Variants in SPATS2 observed in about 807,000 individuals in gnomAD.
The protein encoded by SPATS2 is spermatogenesis-associated serine-rich protein 2.
Under a neutral mutation model 63.7 loss-of-function variants are expected in SPATS2, and 38 were observed. That is an observed-to-expected ratio of 0.60 (90% CI 0.46 to 0.78). The LOEUF is 0.78. Among genes scored for constraint, SPATS2 ranks in the 30% least tolerant of loss-of-function variants. The pLI is 0.00. For synonymous variants in SPATS2, 207 were observed against 232.9 expected (o/e 0.89, Z 1.01); for missense variants, 588 against 666.2 (o/e 0.88, Z 1.29).
chr12:49,435,944 A>T (rs1390737846), intron 2 of SPATS2, among the ~76,000 whole-genome samples: 1 of 150,272 alleles, frequency 6.7e-6, no homozygotes, highest in Non-Finnish European at 1.5e-5. Flanking sequence ...TGTTTCAGAG[A>T]GCACAGGGTT....
At chr12:49,422,428 C>T (rs1356202331) in intron 2 of SPATS2, among the ~76,000 whole-genome samples, 1 of 152,126 alleles carries the variant, frequency 6.6e-6, no homozygotes, top group Non-Finnish European at 1.5e-5. Flanking sequence ...CCTTCTGTTT[C>T]CATAACTAAA....
chr12:49,511,229 C>T (rs1592472839), intron 9 of SPATS2, among the ~76,000 whole-genome samples: 1 of 151,614 alleles, frequency 6.6e-6, no homozygotes, highest in African/African-American at 2.4e-5. Context: ...TAGAATAAGT[C>T]GAGCAAATGT....
At chr12:49,454,273 C>G (rs995997249) in intron 2 of SPATS2, 3 of 152,212 alleles carry the variant, frequency 2.0e-5, no homozygotes, top group Non-Finnish European at 4.4e-5. Context: ...CAAAGTACAC[C>G]ACAAGCCTGT....
chr12:49,367,737 G>A (rs976456762), intron 1 of SPATS2, 150 bp downstream of exon 1: 2 of 391,652 alleles, frequency 5.1e-6, no homozygotes, highest in Non-Finnish European at 9.0e-6. Context: ...GAGGCCCGAA[G>A]TGCCCAGAGG....
intron 2 of SPATS2, among the ~76,000 whole-genome samples, chr12:49,436,984 C>T (rs1279792219): frequency 5.4e-5 from 8 of 146,990 alleles, no homozygotes; most frequent in African/African-American, 1.8e-4. Flanking sequence ...CCATTCCGGA[C>T]TGGGGCGGCT....
chr12:49,488,165 C>T (rs1243482668), intron 4 of SPATS2, among the ~76,000 whole-genome samples: 1 of 151,996 alleles, frequency 6.6e-6, no homozygotes, highest in African/African-American at 2.4e-5. Flanking sequence ...CTACCTCAGC[C>T]TCCTGAGTAT....
intron 2 of SPATS2, among the ~76,000 whole-genome samples, chr12:49,387,338 T>C (rs1382820303): frequency 1.3e-5 from 2 of 151,872 alleles, no homozygotes; most frequent in African/African-American, 2.4e-5. Flanking sequence ...GTGTGGGGAT[T>C]AGAATGTGGG....
At chr12:49,512,574 T>G (rs1946770140) in intron 9 of SPATS2, among the ~76,000 whole-genome samples, 2 of 152,302 alleles carry the variant, frequency 1.3e-5, no homozygotes, top group Non-Finnish European at 1.5e-5. Flanking sequence ...GCTATCAGAA[T>G]GTACTAGCAC....
At chr12:49,434,280 TTAAA>T (rs1867092105) in intron 2 of SPATS2, among the ~76,000 whole-genome samples, 1 of 152,240 alleles carries the variant, frequency 6.6e-6, no homozygotes, top group South Asian at 2.1e-4. Context: ...TTACTGAAGT[TTAAA>T]TATATACATA....
intron 2 of SPATS2, among the ~76,000 whole-genome samples, chr12:49,449,734 C>T (rs932349177): frequency 6.6e-6 from 1 of 152,158 alleles, no homozygotes; most frequent in South Asian, 2.1e-4. Flanking sequence ...ATAAAACCAT[C>T]AGATCTCTTG....
chr12:49,466,250 G>A (rs138222753), intron 3 of SPATS2, among the ~76,000 whole-genome samples: 2,262 of 151,884 alleles, frequency 0.015, 58 homozygotes, highest in African/African-American at 0.052. Flanking sequence ...TACAACCTCC[G>A]CCTCCCAGGT....
chr12:49,436,616 C>A (rs549256977), intron 2 of SPATS2, among the ~76,000 whole-genome samples: 3 of 131,812 alleles, frequency 2.3e-5, no homozygotes, highest in Admixed American at 2.2e-4. Flanking sequence ...GCTGACCCCC[C>A]CACCTCCCTC....
chr12:49,455,819 G>T (rs1473970100), intron 2 of SPATS2, among the ~76,000 whole-genome samples: 3 of 152,098 alleles, frequency 2.0e-5, no homozygotes, highest in African/African-American at 7.2e-5. Flanking sequence ...ACACAGTCTT[G>T]CTATGTTGGC....
chr12:49,371,954 T>C (rs1423383650), intron 2 of SPATS2, among the ~76,000 whole-genome samples: 1 of 1,282 alleles, frequency 7.8e-4, no homozygotes, highest in African/African-American at 1.2e-3. Context: ...CCTTTCAGGT[T>C]TTTTTTTTTT....
At chr12:49,379,705 C>G (rs534955311) in intron 2 of SPATS2, among the ~76,000 whole-genome samples, 3 of 150,006 alleles carry the variant, frequency 2.0e-5, no homozygotes, top group South Asian at 2.1e-4. Context: ...TCACTGCAAC[C>G]TCTGCCTCCT....
intron 1 of SPATS2, among the ~76,000 whole-genome samples, chr12:49,368,174 A>G (rs1270884537): frequency 6.6e-6 from 1 of 152,114 alleles, no homozygotes; most frequent in Non-Finnish European, 1.5e-5. Context: ...CTACAGTGAT[A>G]TTTTTCTCAT....
intron 8 of SPATS2, among the ~76,000 whole-genome samples, chr12:49,499,694 C>A (rs1363422494): frequency 6.6e-6 from 1 of 152,124 alleles, no homozygotes; most frequent in African/African-American, 2.4e-5. Context: ...TTTCTCCTCC[C>A]TGCATTGTAG....
intron 2 of SPATS2, among the ~76,000 whole-genome samples, chr12:49,446,705 G>A (rs1197308172): frequency 6.6e-6 from 1 of 152,096 alleles, no homozygotes; most frequent in African/African-American, 2.4e-5. Context: ...CCGTCTTAAG[G>A]GCTCATGCGA....
In SPATS2 at chr12:49,443,514, G is replaced by A. The variant is rs565248593; in HGVS notation, c.-243-17256G>A. ...TGAAAAGTCTTAAATTTGAATTCTA[G>A]CTTTTTTTTTTCTTTTATAGATTGT... On this transcript the variant is annotated intron_variant, in intron 2 of 13. Coordinates refer to ENST00000552918, the MANE Select transcript of SPATS2 (RefSeq NM_023071.4). Among the ~76,000 whole-genome samples the A allele has an allele frequency of 1.2e-4, 18 of 151,296 alleles. 1 individual carries two copies. In the South Asian group the frequency reaches 3.8e-3, roughly 32 times the overall value.
Sources: allele counts gnomAD v4.1 joint callset (sites outside exome capture counted in the v4.1 genomes callset), GRCh38; gene constraint gnomAD v4.1.1; transcripts MANE v1.5; gene names NCBI Gene and HGNC (gene_info 2026-07-23, HGNC 2026-07-21).